SYNPR: variants seen among roughly 807,000 people sequenced by gnomAD.
The protein encoded by SYNPR is synaptoporin.
SYNPR carries 23 observed loss-of-function variants against 32.9 expected under a neutral mutation model. The ratio of observed to expected loss-of-function variants is 0.70; its 90% confidence interval spans 0.50 to 0.99. SYNPR has a LOEUF of 0.99. Ranked by LOEUF, SYNPR falls within the 50% of genes least tolerant of loss-of-function variation. SYNPR has a pLI of 0.00. For missense variants in SYNPR, 318 were observed against 349.3 expected, an observed-to-expected ratio of 0.91 and a Z score of 0.71; for synonymous variants, 146 against 135.9, an observed-to-expected ratio of 1.07 and a Z score of -0.52.
At chr3:63,257,536 C>A (rs2086395594) in intron 2 of SYNPR, among the ~76,000 whole-genome samples, 1 of 152,034 alleles carries the variant, frequency 6.6e-6, no homozygotes, top group Non-Finnish European at 1.5e-5. Context: ...TTTGTCACCA[C>A]CAGGCCTGCC....
At chr3:63,456,060 G>C (rs1700476035) in intron 2 of SYNPR, among the ~76,000 whole-genome samples, 1 of 150,552 alleles carries the variant, frequency 6.6e-6, no homozygotes, top group Admixed American at 6.6e-5. Flanking sequence ...AGCAGGCAAA[G>C]AGAGAGAGAG....
rs148619249 is a variant in SYNPR, at chr3:63,398,432, T to G, written c.85-82400T>G. 4.1e-3 allele frequency among the ~76,000 whole-genome samples: 627 copies of G among 152,124 alleles called. 11 individuals are homozygous for G. The highest frequency in any genetic ancestry group is 0.014 in the African/African-American group (599 of 41,504). ...TATTTGAATCTGCCACTTAACAGTG[T>G]ACTTTTGGCCAGGCGCGGTGGCTCA... On this transcript the variant is annotated intron_variant, in intron 2 of 5. Coordinates refer to ENST00000478300, the MANE Select transcript of SYNPR (RefSeq NM_001130003.2).
intron 2 of SYNPR, among the ~76,000 whole-genome samples, chr3:63,288,756 TGTAA>T (rs1257250839): frequency 6.6e-6 from 1 of 152,228 alleles, no homozygotes; most frequent in Non-Finnish European, 1.5e-5. Flanking sequence ...ATTTCTTGTG[TGTAA>T]GTGTTTACTA....
intron 2 of SYNPR, among the ~76,000 whole-genome samples, chr3:63,403,123 A>C (rs1575626516): frequency 6.6e-6 from 1 of 152,106 alleles, no homozygotes; most frequent in African/African-American, 2.4e-5. Context: ...TCTGCCATTA[A>C]TTCTGTAGTT....
intron 2 of SYNPR, among the ~76,000 whole-genome samples, chr3:63,465,633 C>A (rs1700663741): frequency 6.6e-6 from 1 of 152,102 alleles, no homozygotes; most frequent in Non-Finnish European, 1.5e-5. Context: ...ACCTCACAGG[C>A]AATGTTGTTC....
intron 2 of SYNPR, among the ~76,000 whole-genome samples, chr3:63,335,302 G>A (rs907880015): frequency 2.5e-4 from 36 of 143,356 alleles, no homozygotes; most frequent in Non-Finnish European, 3.6e-4. Flanking sequence ...GCAGTGAGCC[G>A]AGACTGCGCC....
chr3:63,268,685 G>T (rs535201879), intron 3 of SYNPR, among the ~76,000 whole-genome samples: 1 of 131,808 alleles, frequency 7.6e-6, no homozygotes, highest in East Asian at 1.9e-4. Context: ...GAAGAGGAGG[G>T]GTTGATCTTG....
chr3:63,580,049 A>G (rs138707580), intron 4 of SYNPR, among the ~76,000 whole-genome samples: 40 of 152,274 alleles, frequency 2.6e-4, no homozygotes, highest in African/African-American at 9.4e-4. Context: ...CTAATAGCTA[A>G]GGAGAAATTC....
chr3:63,326,295 G>A (rs1239617981), intron 2 of SYNPR, among the ~76,000 whole-genome samples: 1 of 150,872 alleles, frequency 6.6e-6, no homozygotes, highest in Admixed American at 6.7e-5. Flanking sequence ...TGGAGGATGA[G>A]CTCTTAACCA....
intron 2 of SYNPR, among the ~76,000 whole-genome samples, chr3:63,279,772 A>G (rs2086610985): frequency 6.6e-6 from 1 of 152,242 alleles, no homozygotes; most frequent in African/African-American, 2.4e-5. Context: ...GGCAGTGGCT[A>G]CATAACTGTG....
At chr3:63,446,516 A>G (rs1700279740) in intron 2 of SYNPR, among the ~76,000 whole-genome samples, 1 of 152,126 alleles carries the variant, frequency 6.6e-6, no homozygotes, top group African/African-American at 2.4e-5. Flanking sequence ...TAAAATTCAG[A>G]TGGATTTTAT....
At chr3:63,391,663 C>T (rs1467064746) in intron 2 of SYNPR, among the ~76,000 whole-genome samples, 2 of 152,072 alleles carry the variant, frequency 1.3e-5, no homozygotes, top group Non-Finnish European at 2.9e-5. Context: ...GATGACAACC[C>T]TATAAGATTG....
At chr3:63,452,015 C>G (rs879582368) in intron 2 of SYNPR, 15 of 696,650 alleles carry the variant, frequency 2.2e-5, no homozygotes, top group Admixed American at 4.1e-5. Flanking sequence ...CTTCCTCCCC[C>G]AGACCAGTTC....
chr3:63,380,033 C>T (rs1393475216), intron 2 of SYNPR, among the ~76,000 whole-genome samples: 3 of 152,176 alleles, frequency 2.0e-5, no homozygotes, highest in East Asian at 1.9e-4. Flanking sequence ...TTTTTTATGG[C>T]TGCATAGTAT....
At chr3:63,449,944 T>G (rs766833821) in intron 2 of SYNPR, among the ~76,000 whole-genome samples, 1 of 151,962 alleles carries the variant, frequency 6.6e-6, no homozygotes, top group Admixed American at 6.6e-5. Context: ...GGATAGAACC[T>G]GGATTCACAC....
intron 3 of SYNPR, among the ~76,000 whole-genome samples, chr3:63,269,785 C>G (rs1003447755): frequency 1.3e-4 from 20 of 152,120 alleles, no homozygotes; most frequent in Admixed American, 6.5e-5. Context: ...TATTGGCCAC[C>G]TAATATGTGC....
chr3:63,415,034 C>T (rs1323161270), intron 2 of SYNPR, among the ~76,000 whole-genome samples: 1 of 152,110 alleles, frequency 6.6e-6, no homozygotes, highest in Non-Finnish European at 1.5e-5. Context: ...TAAATAAGTT[C>T]ACTATTAAAA....
intron 2 of SYNPR, among the ~76,000 whole-genome samples, chr3:63,444,019 T>C (rs1700228394): frequency 6.6e-6 from 1 of 152,174 alleles, no homozygotes; most frequent in Non-Finnish European, 1.5e-5. Context: ...AGGACTGAAT[T>C]TAGAAAAAGT....
intron 3 of SYNPR, among the ~76,000 whole-genome samples, chr3:63,518,663 C>CA (rs1701844955): frequency 6.6e-6 from 1 of 152,154 alleles, no homozygotes; most frequent in South Asian, 2.1e-4. Flanking sequence ...TCAGAGAACA[C>CA]ATACTGACTG....
Sources: gnomAD v4.1 joint callset for allele counts (sites outside exome capture counted in the v4.1 genomes callset) on GRCh38, gnomAD v4.1.1 for gene constraint, MANE v1.5 for transcripts, NCBI Gene and HGNC (gene_info 2026-07-23, HGNC 2026-07-21) for gene names.